Variants in FBXW12 observed in about 807,000 individuals in gnomAD.
FBXW12 encodes the protein F-box/WD repeat-containing protein 12.
Under a neutral mutation model 55.3 loss-of-function variants are expected in FBXW12, and 43 were observed. That is an observed-to-expected ratio of 0.78 (90% CI 0.61 to 1.00). The LOEUF is 1.00. Ranked by LOEUF, FBXW12 falls within the 50% of genes least tolerant of loss-of-function variation. The probability of loss-of-function intolerance (pLI) is 0.00; values close to 1 mark genes in which losing one functional copy is unlikely to be tolerated. For synonymous variants in FBXW12, 184 were observed against 203.8 expected (o/e 0.90, Z 0.83); for missense variants, 524 against 560.5 (o/e 0.93, Z 0.66).
chr3:48,378,615 T>C, intron 6 of FBXW12, 89 bp downstream of exon 6: 7 of 517,906 alleles, frequency 1.4e-5, no homozygotes, highest in Non-Finnish European at 1.9e-5. Context: ...TCCTATCCCT[T>C]TTTTTTTTTT....
rs773685742 is a variant in FBXW12, at chr3:48,378,483, A to G, written c.572A>G (p.Tyr191Cys). 20 of 1,614,020 alleles carry G rather than the reference A, an allele frequency of 1.2e-5. No individual in the cohort carries two copies. Among genetic ancestry groups the G allele is most frequent in the Non-Finnish European group, 1.6e-5 (19 of 1,180,002 alleles). ...GTTCTCCCCATGCCACAGCCCTGTT[A>G]TTGCATGGAAGCCTATCTTACAAAG... ...LAVLPMPQPC[Y>C]CMEAYLTKDG... The change falls in exon 6 of 11, where the codon TAT becomes TGT. Residue 191 changes from tyrosine to cysteine, a missense_variant. Physicochemically the swap from Tyr to Cys is radical, Grantham distance 194. Transcript: ENST00000296438.
intron 10 of FBXW12, among the ~76,000 whole-genome samples, chr3:48,384,787 G>A (rs2036822590): frequency 6.6e-6 from 1 of 151,976 alleles, no homozygotes; most frequent in South Asian, 2.1e-4. Flanking sequence ...TCTTTTTTAG[G>A]TTCTTAGTAA....
chr3:48,381,645 A>C (rs1191834238), intron 8 of FBXW12, 55 bp from the exon 9 acceptor site: 1 of 1,482,348 alleles, frequency 6.7e-7, no homozygotes, highest in African/African-American at 1.4e-5. Context: ...CAATGACCTG[A>C]TCTTTACTTC....
chr3:48,381,083 C>T (rs1453129156), intron 8 of FBXW12, among the ~76,000 whole-genome samples, 171 bp downstream of exon 8: 2 of 148,174 alleles, frequency 1.3e-5, no homozygotes, highest in African/African-American at 5.0e-5. Flanking sequence ...AGTGCAGCGG[C>T]ACAATCTCGG....
rs554447219 is a variant in FBXW12 at position 48,386,181 on chromosome 3, G to A, written c.1295+4096G>A. Among the ~76,000 whole-genome samples, 26 of 150,668 alleles carry A rather than the reference G, an allele frequency of 1.7e-4. No homozygotes were observed. In the South Asian group the frequency reaches 5.2e-3, roughly 30 times the overall value. ...ATTTTGAGTTTTGTATGTGATGTGA[G>A]AAAAAGTCCCAACTTTTTTTCTTTT... On this transcript the variant is annotated intron_variant, in intron 10 of 10. Transcript: ENST00000296438.
chr3:48,380,986 T>C lies in FBXW12; in HGVS notation c.985+74T>C, dbSNP rs1192755846. 7 of 1,239,176 alleles carry C rather than the reference T, an allele frequency of 5.6e-6. No homozygotes were observed. In the East Asian group the frequency reaches 1.4e-4, roughly 26 times the overall value. 76.8% of individuals were successfully genotyped at this position (1,239,176 alleles called of 1,614,324 possible). A position where few individuals can be genotyped will look rare whatever the true frequency, so the allele number is the denominator to read the frequency against. On this transcript the variant is annotated intron_variant, in intron 8 of 10. Transcript: ENST00000296438. ...GTCATTCGTGTTTAGCTCTAATAAA[T>C]GGGTCAGCCTGTATAAAGTGAGCAG...
intron 10 of FBXW12, among the ~76,000 whole-genome samples, chr3:48,391,106 CAAAA>C (rs587685327): frequency 1.2e-5 from 1 of 82,908 alleles, no homozygotes; most frequent in Non-Finnish European, 2.4e-5. Flanking sequence ...CCTGTCTCTA[CAAAA>C]AAAAAAAAAA....
Position 48,373,620 on chromosome 3 carries a change from A to G in FBXW12, c.201A>G (p.Gln67=). 2 of 1,614,042 alleles carry G rather than the reference A, an allele frequency of 1.2e-6. No homozygotes were observed. Among genetic ancestry groups the G allele is most frequent in the Non-Finnish European group, 1.7e-6 (2 of 1,180,000 alleles). ...NQHLGTHTWK[Q]FFLHQRRKEL... The stretch of plus-strand genomic sequence containing the variant: ...ACCTGGGCACACACACATGGAAGCA[A>G]TTTTTCCTGCATCAAAGAAGGAAGG... Residue 67 remains glutamine (Q), a synonymous_variant, in exon 4 of 11, where the codon CAA becomes CAG. Coordinates refer to ENST00000296438, the MANE Select transcript of FBXW12 (RefSeq NM_207102.2).
At chr3:48,375,940 G>GCTGAGATTA (rs1248993588) in intron 5 of FBXW12, among the ~76,000 whole-genome samples, 1 of 145,380 alleles carries the variant, frequency 6.9e-6, no homozygotes, top group African/African-American at 2.6e-5. Flanking sequence ...CTTCCAAAGT[G>GCTGAGATTA]CTGAGATTAC....
intron 10 of FBXW12, among the ~76,000 whole-genome samples, chr3:48,389,070 A>G (rs2036884247): frequency 6.6e-6 from 1 of 152,012 alleles, no homozygotes; most frequent in Non-Finnish European, 1.5e-5. Flanking sequence ...TTCTACATCT[A>G]CGAGTCTAAT....
chr3:48,377,788 T>C (rs556454227), intron 5 of FBXW12, among the ~76,000 whole-genome samples: 1 of 152,358 alleles, frequency 6.6e-6, no homozygotes, highest in Admixed American at 6.5e-5. Flanking sequence ...TCACTTGTGA[T>C]AATTTATTAA....
At chr3:48,375,806 C>G (rs918741129) in intron 5 of FBXW12, among the ~76,000 whole-genome samples, 1 of 151,846 alleles carries the variant, frequency 6.6e-6, no homozygotes, top group Middle Eastern at 3.2e-3. Context: ...TCCCAAGTAG[C>G]TGGGACTACA....
chr3:48,372,830 C>G lies in FBXW12; in HGVS notation c.63C>G (p.Gly21=). 1 of 1,614,188 alleles carries G rather than the reference C, an allele frequency of 6.2e-7. No individual in the cohort carries two copies. Among genetic ancestry groups the G allele is most frequent in the Non-Finnish European group, 8.5e-7 (1 of 1,180,018 alleles). ...KRIFSFLDLF[G]LLQVSQVNKH... Reference sequence around the variant, plus strand: ...TCTTCTCTTTCCTGGACCTGTTCGGCTTGCTGCAGGTTTCCCAGGTGAACA... The same window carrying G: ...TCTTCTCTTTCCTGGACCTGTTCGGGTTGCTGCAGGTTTCCCAGGTGAACA... Residue 21 remains glycine, a synonymous_variant, in exon 2 of 11, where the codon GGC becomes GGG. Coordinates refer to ENST00000296438, the MANE Select transcript of FBXW12 (RefSeq NM_207102.2).
At chr3:48,392,789 C>A (rs1346393438) in intron 10 of FBXW12, among the ~76,000 whole-genome samples, 1 of 152,118 alleles carries the variant, frequency 6.6e-6, no homozygotes, top group Non-Finnish European at 1.5e-5. Flanking sequence ...GATAATGTGT[C>A]ATTTTGCTCT....
At chr3:48,375,868 G>A (rs2036675873) in intron 5 of FBXW12, among the ~76,000 whole-genome samples, 1 of 151,610 alleles carries the variant, frequency 6.6e-6, no homozygotes, top group Non-Finnish European at 1.5e-5. Context: ...GTACAGACAG[G>A]GTTTCACCAT....
chr3:48,373,414 C>T, intron 3 of FBXW12, 69 bp downstream of exon 3: 1 of 1,612,860 alleles, frequency 6.2e-7, no homozygotes, highest in Non-Finnish European at 8.5e-7. Flanking sequence ...CATGCTGTGT[C>T]CCAAGGCCTG....
In FBXW12 at chr3:48,375,422, A is replaced by G. The variant is rs2036668725; in HGVS notation, c.355A>G (p.Ile119Val). ...LTVDEQEKSI[I>V]CSVSPKQELC... ...AGTGGATGAACAGGAGAAATCAATCATTTGTAGTGTATCTCCAAAGCAAGA... is the reference window on the plus strand; with the variant it reads ...AGTGGATGAACAGGAGAAATCAATCGTTTGTAGTGTATCTCCAAAGCAAGA... Residue 119 changes from isoleucine to valine, a missense_variant, in exon 5 of 11, where the codon ATT becomes GTT. Physicochemically the swap from Ile to Val is conservative, Grantham distance 29. Transcript: ENST00000296438. 2 of 1,612,650 alleles carry G rather than the reference A, an allele frequency of 1.2e-6. No homozygotes were observed. Among genetic ancestry groups the G allele is most frequent in the East Asian group, 2.2e-5 (1 of 44,830 alleles).
rs189958812 is a variant in FBXW12 at position 48,386,310 on chromosome 3, G to C, written c.1295+4225G>C. On this transcript the variant is annotated intron_variant, in intron 10 of 10. Transcript: ENST00000296438. Reference sequence around the variant, plus strand: ...AAAAACAATTGACTATAAATGTGCAGGTTTATTTCTGGGATCATTTATTCT... The same window carrying C: ...AAAAACAATTGACTATAAATGTGCACGTTTATTTCTGGGATCATTTATTCT... 1.4e-3 allele frequency among the ~76,000 whole-genome samples: 220 copies of C among 152,256 alleles called. 1 individual carries two copies. Among genetic ancestry groups the C allele is most frequent in the African/African-American group, 5.0e-3 (209 of 41,562 alleles).
At chr3:48,388,775 C>T (rs1055513758) in intron 10 of FBXW12, among the ~76,000 whole-genome samples, 1 of 152,092 alleles carries the variant, frequency 6.6e-6, no homozygotes, top group African/African-American at 2.4e-5. Flanking sequence ...TTATGGGGTA[C>T]AATATGATGT....
Sources: gnomAD v4.1 joint callset for allele counts (sites outside exome capture counted in the v4.1 genomes callset) on GRCh38, gnomAD v4.1.1 for gene constraint, MANE v1.5 for transcripts, NCBI Gene and HGNC (gene_info 2026-07-23, HGNC 2026-07-21) for gene names.